Variants in PUF60 observed in about 807,000 individuals in gnomAD.
PUF60 encodes the protein poly(U)-binding-splicing factor PUF60.
A neutral mutation model predicts 61.8 loss-of-function variants in PUF60; 10 were observed. The ratio of observed to expected loss-of-function variants is 0.16; its 90% CI spans 0.10 to 0.27. The LOEUF (loss-of-function observed/expected upper bound fraction) is 0.27. PUF60 is among the 10% of genes least tolerant of loss of function. The pLI, the probability that PUF60 is intolerant of heterozygous loss-of-function variation, is 1.00. For synonymous variants in PUF60, 353 were observed against 300.9 expected, an observed-to-expected ratio of 1.17 and a Z score of -1.79; for missense variants, 371 against 754.0, an observed-to-expected ratio of 0.49 and a Z score of 5.95.
intron 5 of PUF60, among the ~76,000 whole-genome samples, chr8:143,819,844 C>T (rs1291180158): frequency 6.6e-6 from 1 of 152,168 alleles, no homozygotes; most frequent in African/African-American, 2.4e-5. Flanking sequence ...GCCCCACCCC[C>T]AGGCAGGCCA....
At position 143,824,384 on chromosome 8, in the gene PUF60, G is replaced by C. The variant is rs772521664; in HGVS notation, c.40C>G (p.Gln14Glu). Residue 14 changes from glutamine (Q) to glutamate (E), a missense_variant, in exon 2 of 12, where the codon CAA (glutamine) becomes GAA (glutamate). Physicochemically the swap from Gln to Glu is conservative, Grantham distance 29 (BLOSUM62 2). Around this residue, in one of 13 missense-constraint regions of PUF60, gnomAD observed 69 missense variants for 64.7 expected, o/e 1.07. Coordinates refer to ENST00000526683, the MANE Select transcript of PUF60 (RefSeq NM_078480.3). ...GCCGCCGGCTCGGACCCCCCTCCTT[G>C]CTGGCCATTGACCTGCTGCAGGCAG... is the stretch of plus-strand genomic sequence containing the variant. ...ATIALQVNGQ[Q>E]GGGSEPAAAA... The C allele has an allele frequency of 1.4e-5, 22 of 1,612,028 alleles. No homozygotes were observed. Among genetic ancestry groups the C allele is most frequent in the Non-Finnish European group, 1.7e-5 (20 of 1,179,786 alleles).
Position 143,817,711 on chromosome 8 carries a change from A to G in PUF60, c.889T>C (p.Leu297=), listed in dbSNP as rs1313113275. The change falls in exon 9 of 12, where the codon TTG becomes CTG. Residue 297 remains leucine, a synonymous_variant. Coordinates refer to ENST00000526683, the MANE Select transcript of PUF60 (RefSeq NM_078480.3). This position sits in a 1 kb window ranked among gnomAD's most constrained non-coding sequence, Gnocchi z 7.4. ...GGTGTGACAGCCTTGCCCACCCGCA[A>G]GTACTGGCCACCCAGGTCAAAGAGG... The part of the protein sequence containing the change: ...MNLFDLGGQY[L]RVGKAVTPPM... 1 of 1,612,556 alleles carries G rather than the reference A, an allele frequency of 6.2e-7. No homozygotes were observed. Among genetic ancestry groups the G allele is most frequent in the Non-Finnish European group, 8.5e-7 (1 of 1,179,860 alleles).
Position 143,818,088 on chromosome 8 carries a change from C to T in PUF60, c.604-13G>A, listed in dbSNP as rs368891106. 83 of 1,610,056 alleles carry T rather than the reference C, an allele frequency of 5.2e-5. 1 individual carries two copies. Among genetic ancestry groups the T allele is most frequent in the South Asian group, 3.4e-4 (31 of 90,804 alleles). On this transcript the variant is annotated splice_polypyrimidine_tract_variant and intron_variant, in intron 7 of 11. Transcript: ENST00000526683. The surrounding 1 kb of genome is among the most constrained non-coding windows in gnomAD (Gnocchi z 7.9). Reference sequence around the variant, plus strand: ...TGGGTCTGCCCACCTGGGGAAGAGGCGGTGAGATGGAAAGACCGGTCAACC... The same window carrying T: ...TGGGTCTGCCCACCTGGGGAAGAGGTGGTGAGATGGAAAGACCGGTCAACC...
intron 1 of PUF60, chr8:143,827,182 C>T (rs898547501): frequency 9.1e-6 from 3 of 328,828 alleles, no homozygotes; most frequent in African/African-American, 6.7e-5. Context: ...GAAGAAAGCA[C>T]AGGATAAGAA....
chr8:143,824,456 T>C, intron 1 of PUF60, 57 bp from the exon 2 acceptor site: 9 of 1,560,414 alleles, frequency 5.8e-6, no homozygotes, highest in Non-Finnish European at 7.0e-6. Flanking sequence ...CGCCCAGGCC[T>C]GCTCTCCTCC....
In PUF60 at chr8:143,818,753, AC is replaced by A. The variant is rs775680061; in HGVS notation, c.349-220del. On this transcript the variant is annotated intron_variant, in intron 5 of 11. Coordinates refer to ENST00000526683, the MANE Select transcript of PUF60 (RefSeq NM_078480.3). This position sits in a 1 kb window ranked among gnomAD's most constrained non-coding sequence, Gnocchi z 7.9. The stretch of plus-strand genomic sequence containing the variant: ...CAGGCCCAGCGGCAGGACAGGACGC[AC>A]CCCAGCCCGCCAAGGTCCCAGGCAG... The A allele has an allele frequency of 1.0e-5, 6 of 582,946 alleles. No homozygotes were observed. Among genetic ancestry groups the A allele is most frequent in the Non-Finnish European group, 1.8e-5 (6 of 334,164 alleles). 36.1% of individuals were successfully genotyped at this position (582,946 alleles called of 1,614,324 possible).
rs775734628 is a variant in PUF60 at position 143,816,505 on chromosome 8, G to A, written c.*15C>T. The A allele has an allele frequency of 4.4e-6, 7 of 1,596,366 alleles. No homozygotes were observed. In the East Asian group the frequency reaches 6.7e-5, roughly 15 times the overall value. Reference sequence around the variant, plus strand: ...AAACAAGGAACAAGTGCAAGTCCGGGGAGAGGGACCACTGTCACGCAGAGA... The same window carrying A: ...AAACAAGGAACAAGTGCAAGTCCGGAGAGAGGGACCACTGTCACGCAGAGA... On this transcript the variant is annotated 3_prime_UTR_variant, in exon 12 of 12. Transcript: ENST00000526683.
chr8:143,817,486 C>A lies in PUF60; in HGVS notation c.1009-20G>T. The A allele has an allele frequency of 6.2e-7, 1 of 1,609,706 alleles. No homozygotes were observed. Among genetic ancestry groups the A allele is most frequent in the East Asian group, 2.2e-5 (1 of 44,784 alleles). ...TGCTTCCTGCAACCCAAAAGGTCACCGTGCTCAGTCCCTGGTCTGGCTACT... is the reference window on the plus strand; with the variant it reads ...TGCTTCCTGCAACCCAAAAGGTCACAGTGCTCAGTCCCTGGTCTGGCTACT... On this transcript the variant is annotated intron_variant, in intron 9 of 11. Transcript: ENST00000526683. This position sits in a 1 kb window ranked among gnomAD's most constrained non-coding sequence, Gnocchi z 7.4.
rs1816282501 is a variant in PUF60, at chr8:143,816,425, G to A, written c.*95C>T. On this transcript the variant is annotated 3_prime_UTR_variant, in exon 12 of 12. Coordinates refer to ENST00000526683, the MANE Select transcript of PUF60 (RefSeq NM_078480.3). ...CTTTATCCGCACTGTAGGCTGGGCT[G>A]GGCAGAGCGCGCCTGGCCCCGGGGA... 3 of 1,386,320 alleles carry A rather than the reference G, an allele frequency of 2.2e-6. No homozygotes were observed. Among genetic ancestry groups the A allele is most frequent in the East Asian group, 2.4e-5 (1 of 42,022 alleles). The allele number at this position is 1,386,320 out of a possible 1,614,324, so 85.9% of individuals were successfully genotyped here.
intron 5 of PUF60, chr8:143,820,462 A>G: frequency 9.6e-6 from 6 of 627,246 alleles, no homozygotes; most frequent in South Asian, 7.3e-5. Flanking sequence ...GGGCCCTCAG[A>G]GCAGATGGAG....
intron 1 of PUF60, chr8:143,828,857 G>A (rs1023804854): frequency 1.1e-6 from 1 of 917,648 alleles, no homozygotes; most frequent in South Asian, 5.0e-5. Context: ...CCTTTCTACA[G>A]GTCCCGTCCC....
chr8:143,827,022 T>G (rs1269858878), intron 1 of PUF60: 1 of 278,152 alleles, frequency 3.6e-6, no homozygotes, highest in Non-Finnish European at 7.0e-6. Flanking sequence ...CAATGAACAC[T>G]GCTTACTGCG....
chr8:143,825,747 G>A (rs144903709), intron 1 of PUF60, among the ~76,000 whole-genome samples: 1 of 152,320 alleles, frequency 6.6e-6, no homozygotes, highest in Non-Finnish European at 1.5e-5. Context: ...TACTACAGGC[G>A]TGGACCACTG....
In PUF60 at chr8:143,821,642, C is replaced by T; in HGVS notation, c.252G>A (p.Val84=). The change falls in exon 4 of 12, where the codon GTG becomes GTA. Residue 84 remains valine, a synonymous_variant. Coordinates refer to ENST00000526683, the MANE Select transcript of PUF60 (RefSeq NM_078480.3). ...GCTGCTGGTGCGCGATGGTCTGCTTCACCAGCACACTCTTGATGCTCTGCT... is the reference window on the plus strand; with the variant it reads ...GCTGCTGGTGCGCGATGGTCTGCTTTACCAGCACACTCTTGATGCTCTGCT... ...AMEQSIKSVL[V]KQTIAHQQQQ... is the part of the protein sequence containing the mutation. 1.3e-6 allele frequency: 2 copies of T among 1,547,308 alleles called. No homozygotes were observed. Among genetic ancestry groups the T allele is most frequent in the South Asian group, 2.4e-5 (2 of 84,026 alleles).
Position 143,818,562 on chromosome 8 carries a change from G to C in PUF60, c.349-28C>G, listed in dbSNP as rs775405689. On this transcript the variant is annotated intron_variant, in intron 5 of 11. Transcript: ENST00000526683. The surrounding 1 kb of genome is among the most constrained non-coding windows in gnomAD (Gnocchi z 7.9). The stretch of plus-strand genomic sequence containing the variant: ...GCAGCAGGACAGAGGGGAGAGAACC[G>C]CTGGCTCGTCAGGGGCGGCAGGAAG... 6.5e-7 allele frequency: 1 copy of C among 1,547,732 alleles called. No individual in the cohort carries two copies. The highest frequency in any genetic ancestry group is 8.7e-7 in the Non-Finnish European group (1 of 1,144,452).
intron 4 of PUF60, chr8:143,821,368 C>CA: frequency 1.7e-6 from 1 of 599,436 alleles, no homozygotes; most frequent in South Asian, 2.0e-5. Context: ...GCCAAGCAGC[C>CA]AAGAAAGGGG....
chr8:143,827,611 T>TA (rs1817778737), intron 1 of PUF60: 4 of 358,318 alleles, frequency 1.1e-5, no homozygotes, highest in African/African-American at 4.3e-5. Context: ...ATAACCCTTC[T>TA]AGAAGCCTTT....
At position 143,817,567 on chromosome 8, in the gene PUF60, A is replaced by G. The variant is rs762919970; in HGVS notation, c.1008+25T>C. On this transcript the variant is annotated intron_variant, in intron 9 of 11. Transcript: ENST00000526683. The surrounding 1 kb of genome is among the most constrained non-coding windows in gnomAD (Gnocchi z 7.4). The stretch of plus-strand genomic sequence containing the variant: ...TCAGGGGCCAGCCCGCCCACCCTCA[A>G]GCCGACAGCTGTGTGGGCCCTCACC... 3.1e-6 allele frequency: 5 copies of G among 1,609,580 alleles called. No individual in the cohort carries two copies. The highest frequency in any genetic ancestry group is 1.7e-4 in the Middle Eastern group (1 of 6,056).
Position 143,823,442 on chromosome 8 carries a change from C to T in PUF60, c.111+871G>A, listed in dbSNP as rs991431915. ...GTAATCAATGCCAACCCCCTCAGCCCCCAGACATTTTTCAATCTCCTCTTT... is the reference window on the plus strand; with the variant it reads ...GTAATCAATGCCAACCCCCTCAGCCTCCAGACATTTTTCAATCTCCTCTTT... On this transcript the variant is annotated intron_variant, in intron 2 of 11. Coordinates refer to ENST00000526683, the MANE Select transcript of PUF60 (RefSeq NM_078480.3). 2.0e-5 allele frequency among the ~76,000 whole-genome samples: 3 copies of T among 152,258 alleles called. 1 individual carries two copies. Among genetic ancestry groups the T allele is most frequent in the Middle Eastern group, 6.4e-3 (2 of 314 alleles).
Sources: allele counts gnomAD v4.1 joint callset (sites outside exome capture counted in the v4.1 genomes callset), GRCh38; gene constraint gnomAD v4.1.1; regional missense constraint gnomAD v4.1.1; non-coding constraint Gnocchi (gnomAD v3.1); transcripts MANE v1.5; gene names NCBI Gene and HGNC (gene_info 2026-07-23, HGNC 2026-07-21).